SDK2: variants seen among roughly 807,000 people sequenced by gnomAD.
SDK2 encodes protein sidekick-2.
Under a neutral mutation model 253.9 loss-of-function variants are expected in SDK2, and 105 were observed. The observed-to-expected ratio is 0.41, with a 90% CI of 0.35 to 0.49. The LOEUF is 0.49. SDK2 is among the 20% of genes least tolerant of loss of function. The probability of loss-of-function intolerance (pLI) is 0.06; values close to 1 mark genes in which losing one functional copy is unlikely to be tolerated. For synonymous variants in SDK2, 1,249 were observed against 1,234.9 expected, an observed-to-expected ratio of 1.01 and a Z score of -0.24; for missense variants, 2,608 against 3,003.0, an observed-to-expected ratio of 0.87 and a Z score of 3.07.
intron 1 of SDK2, among the ~76,000 whole-genome samples, chr17:73,592,195 A>C (rs1055995434): frequency 3.3e-5 from 5 of 152,228 alleles, no homozygotes. Context: ...AGAAAGCATC[A>C]TGGGCTGCAG....
At chr17:73,602,051 G>C (rs919399579) in intron 1 of SDK2, among the ~76,000 whole-genome samples, 2 of 152,206 alleles carry the variant, frequency 1.3e-5, no homozygotes, top group Admixed American at 1.3e-4. Flanking sequence ...GCCCAGAACT[G>C]TGTTTTAAAC....
chr17:73,355,175 T>TATATATATATATATATATATATATATA (rs1555750470), intron 40 of SDK2, among the ~76,000 whole-genome samples: 45 of 15,588 alleles, frequency 2.9e-3, no homozygotes, highest in Non-Finnish European at 5.8e-3. Flanking sequence ...TATATATATA[T>TATATATATATATATATATATATATATA]TTTTTTTTTT....
intron 10 of SDK2, among the ~76,000 whole-genome samples, chr17:73,432,307 G>A (rs2063331983): frequency 6.6e-6 from 1 of 152,094 alleles, no homozygotes; most frequent in South Asian, 2.1e-4. Context: ...GCAGGAGTGA[G>A]CCTGGGAATG....
intron 2 of SDK2, among the ~76,000 whole-genome samples, chr17:73,486,607 T>C (rs1423055169): frequency 8.8e-6 from 1 of 114,232 alleles, no homozygotes; most frequent in Non-Finnish European, 1.8e-5. Flanking sequence ...GAGACTCTGC[T>C]TCTAAAAAAA....
At chr17:73,507,284 G>C (rs567837922) in intron 2 of SDK2, among the ~76,000 whole-genome samples, 154 bp downstream of exon 2, 1 of 152,336 alleles carries the variant, frequency 6.6e-6, no homozygotes, top group South Asian at 2.1e-4. Context: ...TCTCACCTTG[G>C]GGCAGGGCTG....
At chr17:73,421,608 C>T (rs2063231589) in intron 15 of SDK2, among the ~76,000 whole-genome samples, 1 of 110,824 alleles carries the variant, frequency 9.0e-6, no homozygotes, top group Non-Finnish European at 1.7e-5. Flanking sequence ...GACAGTCTTG[C>T]TCTGTCATCC....
rs2063323511 is a variant in SDK2 at position 73,431,254 on chromosome 17, C to T, written c.1480+248G>A. ...CCTAAAATATATGAAGGCAGCTCTC[C>T]TATAACTTCAATGTTCTCTCAAGTC... On this transcript the variant is annotated intron_variant, in intron 11 of 44. Transcript: ENST00000392650. This position sits in a 1 kb window ranked among gnomAD's most constrained non-coding sequence, Gnocchi z 5.6. Among the ~76,000 whole-genome samples, 2 of 152,180 alleles carry T rather than the reference C, an allele frequency of 1.3e-5. No homozygotes were observed. The highest frequency in any genetic ancestry group is 1.5e-5 in the Non-Finnish European group (1 of 68,032).
In SDK2 at chr17:73,639,866, A is replaced by AAGCAG. The variant is rs2046376735; in HGVS notation, c.64+4158_64+4159insCTGCT. 6.6e-6 allele frequency among the ~76,000 whole-genome samples: 1 copy of AAGCAG among 152,090 alleles called. No homozygotes were observed. The highest frequency in any genetic ancestry group is 2.4e-5 in the African/African-American group (1 of 41,402). ...GAGCAGTAGTGAGTCCTCCATCATCAAGGGTATGCAAGCAGAGACCAGATG... is the reference window on the plus strand; with the variant it reads ...GAGCAGTAGTGAGTCCTCCATCATCAAGCAGAGGGTATGCAAGCAGAGACCAGATG... On this transcript the variant is annotated intron_variant, in intron 1 of 44. Transcript: ENST00000392650. The surrounding 1 kb of genome is among the most constrained non-coding windows in gnomAD (Gnocchi z 4.3).
At chr17:73,408,156 ATTC>A (rs1242450041) in intron 18 of SDK2, among the ~76,000 whole-genome samples, 2 of 150,246 alleles carry the variant, frequency 1.3e-5, no homozygotes, top group East Asian at 2.0e-4. Flanking sequence ...AATTCAAGCA[ATTC>A]TTCTGCCTCA....
In SDK2 at chr17:73,390,464, G is replaced by C. The variant is rs149624554; in HGVS notation, c.4015C>G (p.Arg1339Gly). The change falls in exon 29 of 45, where the codon CGG (arginine) becomes GGG (glycine). Residue 1339 changes from arginine to glycine, a missense_variant. Physicochemically the swap from Arg to Gly is moderately radical, Grantham distance 125 (BLOSUM62 -2). Around this residue, in one of 2 missense-constraint regions of SDK2, gnomAD observed 1,103 missense variants for 1,143.9 expected, o/e 0.96. Transcript: ENST00000392650. Reference protein sequence around the residue: ...GIILAYQITHRLNTTTANTAT... With the variant: ...GIILAYQITHGLNTTTANTAT... ...GTGTTGGCCGTGGTGGTGTTGAGCC[G>C]GTGTGTGATCTGGTAAGCTGTGGGA... is the stretch of plus-strand genomic sequence containing the variant. 6.2e-7 allele frequency: 1 copy of C among 1,611,992 alleles called. No homozygotes were observed. The highest frequency in any genetic ancestry group is 1.3e-5 in the African/African-American group (1 of 75,010).
chr17:73,412,312 A>T (rs962596487), intron 18 of SDK2, among the ~76,000 whole-genome samples: 1 of 150,370 alleles, frequency 6.7e-6, no homozygotes, highest in Non-Finnish European at 1.5e-5. Flanking sequence ...ATATATATAT[A>T]TTTTTAGTAG....
At chr17:73,582,173 G>A (rs762902231) in intron 1 of SDK2, among the ~76,000 whole-genome samples, 5 of 152,090 alleles carry the variant, frequency 3.3e-5, no homozygotes, top group Non-Finnish European at 7.4e-5. Context: ...CACCACGCAG[G>A]CATCAGCATT....
At chr17:73,423,239 A>T in intron 14 of SDK2, 147 bp downstream of exon 14, 1 of 708,324 alleles carries the variant, frequency 1.4e-6, no homozygotes, top group Non-Finnish European at 2.0e-6. Context: ...TGTTTCCTTC[A>T]GAGATGGGAA....
chr17:73,362,422 T>TTC (rs397972120), intron 38 of SDK2, among the ~76,000 whole-genome samples: 2 of 148,738 alleles, frequency 1.3e-5, no homozygotes, highest in South Asian at 4.3e-4. Flanking sequence ...TTTTTTTTTT[T>TTC]AAGACAAGGT....
chr17:73,340,447 G>C (rs992040596), intron 44 of SDK2, among the ~76,000 whole-genome samples: 1 of 152,168 alleles, frequency 6.6e-6, no homozygotes, highest in Non-Finnish European at 1.5e-5. Flanking sequence ...TCCTATAAAT[G>C]GGATCATATA....
chr17:73,493,593 C>T (rs539967126), intron 2 of SDK2, among the ~76,000 whole-genome samples: 3 of 152,346 alleles, frequency 2.0e-5, no homozygotes, highest in South Asian at 4.1e-4. Flanking sequence ...TGACCCTGGA[C>T]TTGTCACTTT....
chr17:73,641,941 G>C (rs931387255), intron 1 of SDK2, among the ~76,000 whole-genome samples: 1 of 152,158 alleles, frequency 6.6e-6, no homozygotes, highest in South Asian at 2.1e-4. Flanking sequence ...CACACAGCAG[G>C]AGAGGGCTCG....
intron 1 of SDK2, among the ~76,000 whole-genome samples, chr17:73,526,500 C>T (rs568056898): frequency 1.6e-4 from 24 of 152,208 alleles, no homozygotes; most frequent in Non-Finnish European, 2.9e-4. Context: ...TCTGGGCTTT[C>T]AATGAATCAA....
At chr17:73,472,077 C>T (rs1027949811) in intron 3 of SDK2, 35 bp downstream of exon 3, 22 of 1,462,626 alleles carry the variant, frequency 1.5e-5, no homozygotes, top group Middle Eastern at 1.8e-4. Context: ...GCACCACAGT[C>T]GCCCCCCCTG....
Sources: gnomAD v4.1 joint callset for allele counts (sites outside exome capture counted in the v4.1 genomes callset) on GRCh38, gnomAD v4.1.1 for gene constraint, gnomAD v4.1.1 regional missense constraint, Gnocchi (gnomAD v3.1) non-coding constraint, MANE v1.5 for transcripts, NCBI Gene and HGNC (gene_info 2026-07-23, HGNC 2026-07-21) for gene names.